Variants in MIPOL1 observed in about 807,000 individuals in gnomAD.
MIPOL1 encodes mirror-image polydactyly 1.
Under a neutral mutation model 60.9 loss-of-function variants are expected in MIPOL1, and 57 were observed. That is an observed-to-expected ratio of 0.94 (90% CI 0.76 to 1.17). The LOEUF (loss-of-function observed/expected upper bound fraction) is 1.17, where lower values mean the gene tolerates loss of function less well. Among genes scored for constraint, MIPOL1 ranks in the 50% most tolerant of loss-of-function variants. The pLI, the probability that MIPOL1 is intolerant of heterozygous loss-of-function variation, is 0.00. For synonymous variants in MIPOL1, 179 were observed against 168.8 expected, an observed-to-expected ratio of 1.06 and a Z score of -0.47; for missense variants, 551 against 511.6, an observed-to-expected ratio of 1.08 and a Z score of -0.74.
chr14:37,497,727 C>G (rs376940547), intron 11 of MIPOL1, among the ~76,000 whole-genome samples: 94 of 152,272 alleles, frequency 6.2e-4, no homozygotes, highest in African/African-American at 2.2e-3. Flanking sequence ...AATGAAACAT[C>G]ACTGCATCCA....
chr14:37,413,318 C>A (rs371705461), intron 10 of MIPOL1, among the ~76,000 whole-genome samples: 3 of 152,000 alleles, frequency 2.0e-5, no homozygotes, highest in Admixed American at 2.0e-4. Flanking sequence ...AAAAAGAACT[C>A]CATAAAGAAA....
intron 11 of MIPOL1, among the ~76,000 whole-genome samples, chr14:37,463,340 T>C (rs2094561631): frequency 6.6e-6 from 1 of 152,176 alleles, no homozygotes; most frequent in East Asian, 1.9e-4. Flanking sequence ...ATGGGAATTA[T>C]GTGGGCTACA....
At chr14:37,293,504 G>A (rs1481621980) in intron 7 of MIPOL1, among the ~76,000 whole-genome samples, 1 of 152,144 alleles carries the variant, frequency 6.6e-6, no homozygotes, top group African/African-American at 2.4e-5. Context: ...CCAAAGCAAG[G>A]CGAGGCATCG....
chr14:37,470,333 G>A (rs2094665348), intron 11 of MIPOL1, among the ~76,000 whole-genome samples: 1 of 152,072 alleles, frequency 6.6e-6, no homozygotes, highest in African/African-American at 2.4e-5. Flanking sequence ...TTGGATTTGT[G>A]TCCCCGCCCA....
At chr14:37,316,980 C>CAAAG (rs777411469) in intron 9 of MIPOL1, among the ~76,000 whole-genome samples, 4 of 151,430 alleles carry the variant, frequency 2.6e-5, no homozygotes, top group Non-Finnish European at 5.9e-5. Flanking sequence ...TCCATCTAAA[C>CAAAG]AAACAAACAA....
chr14:37,452,257 C>G (rs1269146558), intron 11 of MIPOL1, among the ~76,000 whole-genome samples: 1 of 152,134 alleles, frequency 6.6e-6, no homozygotes, highest in Non-Finnish European at 1.5e-5. Flanking sequence ...TTATTAATAT[C>G]TTAAAATGAT....
intron 9 of MIPOL1, among the ~76,000 whole-genome samples, chr14:37,356,737 A>AG (rs751249075): frequency 3.6e-4 from 55 of 152,126 alleles, no homozygotes; most frequent in Non-Finnish European, 8.8e-5. Flanking sequence ...GCGCTTCCCG[A>AG]GTGAGGCAAT....
At chr14:37,298,585 G>A (rs1001304015) in intron 7 of MIPOL1, among the ~76,000 whole-genome samples, 1 of 152,062 alleles carries the variant, frequency 6.6e-6, no homozygotes, top group Non-Finnish European at 1.5e-5. Flanking sequence ...AATCTACAAT[G>A]AACTCAAACA....
At chr14:37,202,580 A>G (rs560245329) in intron 1 of MIPOL1, among the ~76,000 whole-genome samples, 11 of 152,318 alleles carry the variant, frequency 7.2e-5, no homozygotes, top group Middle Eastern at 3.4e-3. Flanking sequence ...CAGACAAGGG[A>G]GTCCCCTCCC....
intron 6 of MIPOL1, among the ~76,000 whole-genome samples, chr14:37,281,776 T>A (rs1253425761): frequency 1.3e-5 from 2 of 152,186 alleles, no homozygotes; most frequent in African/African-American, 2.4e-5. Flanking sequence ...GCTTTGGCTG[T>A]TTGGGGTCTT....
intron 12 of MIPOL1, among the ~76,000 whole-genome samples, chr14:37,540,972 TTAATA>T (rs1039867087): frequency 6.6e-6 from 1 of 152,214 alleles, no homozygotes; most frequent in African/African-American, 2.4e-5. Flanking sequence ...TGCCATTTAT[TTAATA>T]TGAGTTTCAG....
chr14:37,343,143 T>C (rs932918470), intron 9 of MIPOL1, among the ~76,000 whole-genome samples: 4 of 151,832 alleles, frequency 2.6e-5, no homozygotes, highest in African/African-American at 9.7e-5. Flanking sequence ...TATACACACA[T>C]ACATATCAGC....
chr14:37,412,803 G>A (rs778892753), intron 10 of MIPOL1, among the ~76,000 whole-genome samples: 1 of 152,012 alleles, frequency 6.6e-6, no homozygotes, highest in Non-Finnish European at 1.5e-5. Flanking sequence ...ATACTTCAAT[G>A]AAACATTCAT....
intron 11 of MIPOL1, among the ~76,000 whole-genome samples, chr14:37,432,674 T>C (rs1181290135): frequency 6.6e-6 from 1 of 152,178 alleles, no homozygotes; most frequent in Admixed American, 6.5e-5. Flanking sequence ...GTTTGGATTT[T>C]ACCTTTCTTA....
At chr14:37,448,450 A>G (rs919044502) in intron 11 of MIPOL1, among the ~76,000 whole-genome samples, 2 of 152,214 alleles carry the variant, frequency 1.3e-5, no homozygotes, top group Non-Finnish European at 2.9e-5. Context: ...GTTTTCATTG[A>G]TGTTGTTTTA....
chr14:37,303,008 G>T lies in MIPOL1; in HGVS notation c.624-5048G>T, dbSNP rs1311836688. Among the ~76,000 whole-genome samples the T allele has an allele frequency of 7.9e-5, 12 of 151,630 alleles. No individual in the cohort carries two copies. The East Asian group carries it at 2.3e-3, about 29-fold the overall frequency. The stretch of plus-strand genomic sequence containing the variant: ...TTCAATTTATCAGGCACCAAACAGT[G>T]GTATATTATATTTACATGCAATTTA... On this transcript the variant is annotated intron_variant, in intron 7 of 12. Coordinates refer to ENST00000684589, the MANE Select transcript of MIPOL1 (RefSeq NM_001388067.1).
At chr14:37,456,312 A>T (rs1263508060) in intron 11 of MIPOL1, among the ~76,000 whole-genome samples, 1 of 152,238 alleles carries the variant, frequency 6.6e-6, no homozygotes, top group African/African-American at 2.4e-5. Context: ...AAATGTTGCT[A>T]AATGATACCT....
rs1360271577 is a variant in MIPOL1, at chr14:37,408,787, A to C, written c.937-14068A>C. Among the ~76,000 whole-genome samples the C allele has an allele frequency of 2.6e-5, 4 of 152,328 alleles. No individual in the cohort carries two copies. In the East Asian group the frequency reaches 7.7e-4, roughly 29 times the overall value. ...TTCTGCTTCCTACCGTGTGGCAGGCAGATACTGCAGGGACCCTCCTGTTGC... is the reference window on the plus strand; with the variant it reads ...TTCTGCTTCCTACCGTGTGGCAGGCCGATACTGCAGGGACCCTCCTGTTGC... On this transcript the variant is annotated intron_variant, in intron 10 of 12. Coordinates refer to ENST00000684589, the MANE Select transcript of MIPOL1 (RefSeq NM_001388067.1).
At chr14:37,291,740 C>T (rs940151180) in intron 7 of MIPOL1, among the ~76,000 whole-genome samples, 1 of 151,832 alleles carries the variant, frequency 6.6e-6, no homozygotes, top group African/African-American at 2.4e-5. Flanking sequence ...CTTTCAAGGG[C>T]CTTCTTGCCA....
Sources: gnomAD v4.1 joint callset for allele counts (sites outside exome capture counted in the v4.1 genomes callset) on GRCh38, gnomAD v4.1.1 for gene constraint, MANE v1.5 for transcripts, NCBI Gene and HGNC (gene_info 2026-07-23, HGNC 2026-07-21) for gene names.